Variants in BIN1 observed in about 807,000 individuals in gnomAD.
The protein encoded by BIN1 is bridging integrator 1.
Under a neutral mutation model 82.0 loss-of-function variants are expected in BIN1, and 53 were observed. That is an observed-to-expected ratio of 0.65 (90% CI 0.52 to 0.81). BIN1 has a LOEUF of 0.81. Among genes scored for constraint, BIN1 ranks in the 40% least tolerant of loss-of-function variants. The pLI is 0.00. For synonymous variants in BIN1, 302 were observed against 328.0 expected, an observed-to-expected ratio of 0.92 and a Z score of 0.86; for missense variants, 642 against 784.4, an observed-to-expected ratio of 0.82 and a Z score of 2.17.
At chr2:127,063,514 A>C in intron 9 of BIN1, 57 bp downstream of exon 9, 1 of 1,565,328 alleles carries the variant, frequency 6.4e-7, no homozygotes. Context: ...CACGACTCTG[A>C]CTCTGACCCT....
Position 127,059,456 on chromosome 2 carries a change from C to T in BIN1, c.858-301G>A, listed in dbSNP as rs774771288. On this transcript the variant is annotated intron_variant, in intron 10 of 18. Coordinates refer to ENST00000316724, the MANE Select transcript of BIN1 (RefSeq NM_139343.3). This position sits in a 1 kb window ranked among gnomAD's most constrained non-coding sequence, Gnocchi z 6.7. ...GCAGGTCCCTTGGAACCATCTGTCGCAGAGACCAGACCAACCACCCCACAG... is the reference window on the plus strand; with the variant it reads ...GCAGGTCCCTTGGAACCATCTGTCGTAGAGACCAGACCAACCACCCCACAG... 6.6e-6 allele frequency among the ~76,000 whole-genome samples: 1 copy of T among 151,974 alleles called. No individual in the cohort carries two copies. The highest frequency in any genetic ancestry group is 1.5e-5 in the Non-Finnish European group (1 of 67,980).
intron 1 of BIN1, among the ~76,000 whole-genome samples, chr2:127,105,520 T>C (rs952979387): frequency 7.5e-6 from 1 of 134,044 alleles, no homozygotes; most frequent in Non-Finnish European, 1.6e-5. Context: ...GGGTGGGGGG[T>C]TGGGGAGCTG....
intron 1 of BIN1, among the ~76,000 whole-genome samples, chr2:127,104,747 A>G (rs1402865103): frequency 6.6e-6 from 1 of 152,200 alleles, no homozygotes; most frequent in Non-Finnish European, 1.5e-5. Context: ...CACAGACTCT[A>G]CAGGAAGGCA....
chr2:127,048,806 G>A (rs1392297837), intron 18 of BIN1, among the ~76,000 whole-genome samples, 173 bp from the exon 19 acceptor site: 1 of 152,220 alleles, frequency 6.6e-6, no homozygotes, highest in South Asian at 2.1e-4. Context: ...TGATGCTGCT[G>A]GCTGAGGCTC....
chr2:127,100,213 C>A (rs1680137370), intron 1 of BIN1, among the ~76,000 whole-genome samples: 1 of 152,234 alleles, frequency 6.6e-6, no homozygotes, highest in African/African-American at 2.4e-5. Flanking sequence ...GAACCCCCAT[C>A]TCTGGACTTG....
chr2:127,070,167 C>G (rs2105071738), intron 4 of BIN1, 77 bp from the exon 5 acceptor site: 1 of 1,154,158 alleles, frequency 8.7e-7, no homozygotes, highest in African/African-American at 1.5e-5. Flanking sequence ...TCGCAGGGAC[C>G]AGCCCCAGCC....
At chr2:127,088,260 C>T (rs1436934961) in intron 1 of BIN1, among the ~76,000 whole-genome samples, 1 of 152,216 alleles carries the variant, frequency 6.6e-6, no homozygotes, top group Non-Finnish European at 1.5e-5. Flanking sequence ...CACCCAAAAA[C>T]GAAGGTGGCT....
At position 127,084,286 on chromosome 2, in the gene BIN1, G is replaced by T. The variant is rs17014920; in HGVS notation, c.85-7580C>A. Among the ~76,000 whole-genome samples, 394 of 152,290 alleles carry T rather than the reference G, an allele frequency of 2.6e-3. 7 individuals are homozygous for T. The highest frequency in any genetic ancestry group is 0.025 in the East Asian group (128 of 5,186). On this transcript the variant is annotated intron_variant, in intron 1 of 18. Transcript: ENST00000316724. Reference sequence around the variant, plus strand: ...TTACCCAATCTCCTCCACGTGACCCGGCATTCCACAAACACGAGCCTCCCC... The same window carrying T: ...TTACCCAATCTCCTCCACGTGACCCTGCATTCCACAAACACGAGCCTCCCC...
chr2:127,097,305 C>G (rs889310064), intron 1 of BIN1, among the ~76,000 whole-genome samples: 41 of 151,872 alleles, frequency 2.7e-4, no homozygotes, highest in African/African-American at 9.7e-4. Flanking sequence ...CCCTCCAGGC[C>G]CAGCAGTGTC....
At chr2:127,076,530 C>T in intron 2 of BIN1, 96 bp downstream of exon 2, 8 of 1,417,038 alleles carry the variant, frequency 5.6e-6, no homozygotes, top group Non-Finnish European at 8.0e-6. Context: ...TACCCTCCTC[C>T]AAGCTCTCGT....
At position 127,068,900 on chromosome 2, in the gene BIN1, C is replaced by G; in HGVS notation, c.519+24G>C. On this transcript the variant is annotated intron_variant, in intron 6 of 18. Transcript: ENST00000316724. This position sits in a 1 kb window ranked among gnomAD's most constrained non-coding sequence, Gnocchi z 4.9. The stretch of plus-strand genomic sequence containing the variant: ...CTCTCTCAGCCCCCTGCAGACGCTG[C>G]CCCGACCCGCCTCCAGCCCTTACCT... 2 of 1,604,366 alleles carry G rather than the reference C, an allele frequency of 1.2e-6. No homozygotes were observed. Among genetic ancestry groups the G allele is most frequent in the Non-Finnish European group, 1.7e-6 (2 of 1,171,406 alleles).
At chr2:127,089,854 G>A (rs1391721740) in intron 1 of BIN1, among the ~76,000 whole-genome samples, 1 of 152,084 alleles carries the variant, frequency 6.6e-6, no homozygotes, top group Non-Finnish European at 1.5e-5. Flanking sequence ...CCTCAAGGGT[G>A]TTTAAAGGTG....
At chr2:127,089,029 A>G (rs926725571) in intron 1 of BIN1, among the ~76,000 whole-genome samples, 2 of 152,108 alleles carry the variant, frequency 1.3e-5, no homozygotes, top group African/African-American at 4.8e-5. Context: ...GCCAGGCTTC[A>G]TGCTGAGCCC....
intron 1 of BIN1, among the ~76,000 whole-genome samples, chr2:127,100,363 A>G (rs1480603492): frequency 1.4e-4 from 21 of 152,180 alleles, no homozygotes; most frequent in Non-Finnish European, 1.5e-5. Flanking sequence ...GTCTGTCACA[A>G]TGACACTCCT....
At chr2:127,050,763 G>A in intron 17 of BIN1, 39 bp downstream of exon 17, 1 of 1,597,370 alleles carries the variant, frequency 6.3e-7, no homozygotes, top group Non-Finnish European at 8.6e-7. Context: ...GCCCACCAGG[G>A]CACCGAGGGA....
chr2:127,071,819 C>A (rs1282390220), intron 2 of BIN1, among the ~76,000 whole-genome samples: 1 of 152,204 alleles, frequency 6.6e-6, no homozygotes, highest in Non-Finnish European at 1.5e-5. Flanking sequence ...TCAGTCTCCT[C>A]GTCTTTCAGT....
At position 127,078,478 on chromosome 2, in the gene BIN1, G is replaced by A. The variant is rs572351586; in HGVS notation, c.85-1772C>T. On this transcript the variant is annotated intron_variant, in intron 1 of 18. Coordinates refer to ENST00000316724, the MANE Select transcript of BIN1 (RefSeq NM_139343.3). ...CAGAAAGATGGAGCATCTTACTGGG[G>A]AGTTTTGAATTGCTCAAGGTGACTA... is the stretch of plus-strand genomic sequence containing the variant. 2.0e-5 allele frequency among the ~76,000 whole-genome samples: 3 copies of A among 152,282 alleles called. No homozygotes were observed. In the South Asian group the frequency reaches 6.2e-4, roughly 32 times the overall value.
chr2:127,095,156 A>C (rs1218377826), intron 1 of BIN1, among the ~76,000 whole-genome samples: 2 of 152,204 alleles, frequency 1.3e-5, no homozygotes, highest in African/African-American at 4.8e-5. Context: ...AATGCATCCA[A>C]TTAATTGTGG....
intron 4 of BIN1, 138 bp downstream of exon 4, chr2:127,070,415 G>C: frequency 1.9e-6 from 2 of 1,033,872 alleles, no homozygotes; most frequent in South Asian, 2.7e-5. Flanking sequence ...AGAGAGGGAG[G>C]GCAGCTTGCC....
Sources: allele counts gnomAD v4.1 joint callset (sites outside exome capture counted in the v4.1 genomes callset), GRCh38; gene constraint gnomAD v4.1.1; non-coding constraint Gnocchi (gnomAD v3.1); transcripts MANE v1.5; gene names NCBI Gene and HGNC (gene_info 2026-07-23, HGNC 2026-07-21).